Variants in LAMA5 observed in about 807,000 individuals in gnomAD.
LAMA5 encodes the protein laminin subunit alpha-5.
Under a neutral mutation model 433.4 loss-of-function variants are expected in LAMA5, and 260 were observed. That is an observed-to-expected ratio of 0.60 (90% CI 0.54 to 0.66). The LOEUF is 0.66. Among genes scored for constraint, LAMA5 ranks in the 30% least tolerant of loss-of-function variants. The pLI, the probability that LAMA5 is intolerant of heterozygous loss-of-function variation, is 0.00. For missense variants in LAMA5, 5,378 were observed against 5,258.5 expected (o/e 1.02, Z -0.70); for synonymous variants, 2,620 against 2,226.6 (o/e 1.18, Z -4.97).
chr20:62,328,086 C>CA (rs1314531403), intron 35 of LAMA5, 76 bp from the exon 36 acceptor site: 5 of 1,582,712 alleles, frequency 3.2e-6, no homozygotes, highest in Non-Finnish European at 4.3e-6. Context: ...AGGCACCCCC[C>CA]ACCCAGGCAG....
At chr20:62,346,356 TG>T in intron 9 of LAMA5, 141 bp from the exon 10 acceptor site, 1 of 1,370,136 alleles carries the variant, frequency 7.3e-7, no homozygotes. Context: ...ACATGAGGGC[TG>T]GGGACCCGCC....
chr20:62,314,679 C>T lies in LAMA5; in HGVS notation c.8243G>A (p.Arg2748His), dbSNP rs749238842. 32 of 1,612,440 alleles carry T rather than the reference C, an allele frequency of 2.0e-5. No individual in the cohort carries two copies. The highest frequency in any genetic ancestry group is 2.4e-5 in the Non-Finnish European group (28 of 1,179,880). Reference sequence around the variant, plus strand: ...AAGGTCGGCAAGATCCCGTGGGGTGCGCAGCTGCACCCCTGAGCGCCCGTT... The same window carrying T: ...AAGGTCGGCAAGATCCCGTGGGGTGTGCAGCTGCACCCCTGAGCGCCCGTT... ...KFNGRSGVQL[R>H]TPRDLADLAA... The change falls in exon 61 of 80, where the codon CGC (arginine) becomes CAC (histidine). Residue 2748 changes from arginine to histidine, a missense_variant. Coordinates refer to ENST00000252999, the MANE Select transcript of LAMA5 (RefSeq NM_005560.6).
In LAMA5 at chr20:62,362,696, C is replaced by A. The variant is rs144914601; in HGVS notation, c.298-144G>T. The A allele has an allele frequency of 8.8e-4, 576 of 655,630 alleles. 1 individual carries two copies. In the African/African-American group the frequency reaches 9.8e-3, roughly 11 times the overall value. The allele number at this position is 655,630 out of a possible 1,614,324, so 40.6% of individuals were successfully genotyped here. A position where few individuals can be genotyped will look rare whatever the true frequency, so the allele number is the denominator to read the frequency against. ...CCTCTGCGCCCCTCATCCACTTGCT[C>A]AGCAAACATGCGCCAAGCACCTGCT... On this transcript the variant is annotated intron_variant, in intron 1 of 79. Coordinates refer to ENST00000252999, the MANE Select transcript of LAMA5 (RefSeq NM_005560.6).
In LAMA5 at chr20:62,332,705, G is replaced by A. The variant is rs138521932; in HGVS notation, c.3295C>T (p.Leu1099Phe). Residue 1099 changes from leucine to phenylalanine, a missense_variant, in exon 27 of 80, where the codon CTT (leucine) becomes TTT (phenylalanine). Physicochemically the swap from Leu to Phe is conservative, Grantham distance 22. Coordinates refer to ENST00000252999, the MANE Select transcript of LAMA5 (RefSeq NM_005560.6). ...TCTGSDVDVQLQVAVPQPGRY... is the reference protein window; with the variant it reads ...TCTGSDVDVQFQVAVPQPGRY... ...CCTGGCTGTGGCACTGCCACTTGAA[G>A]CTGGACGTCCACCTGCAGGGAAGGC... 7,978 of 1,610,712 alleles carry A rather than the reference G, an allele frequency of 5.0e-3. 34 individuals carry two copies. The highest frequency in any genetic ancestry group is 0.011 in the South Asian group (1,006 of 90,878).
In LAMA5 at chr20:62,323,519, G is replaced by A. The variant is rs1246945979; in HGVS notation, c.6001C>T (p.Pro2001Ser). 1.9e-6 allele frequency: 3 copies of A among 1,573,796 alleles called. No individual in the cohort carries two copies. Among genetic ancestry groups the A allele is most frequent in the Non-Finnish European group, 2.6e-6 (3 of 1,162,632 alleles). ...CCGGGGGCACAGATCTCGCAGCGGG[G>A]CCCAGTGGTGTGGCGCAGGCAGCCA... is the stretch of plus-strand genomic sequence containing the variant. Reference protein sequence around the residue: ...CRGCLRHTTGPRCEICAPGFY... With the variant: ...CRGCLRHTTGSRCEICAPGFY... Residue 2001 changes from proline (P) to serine (S), a missense_variant, in exon 45 of 80, where the codon CCC (proline) becomes TCC (serine). Physicochemically the swap from Pro to Ser is moderately conservative, Grantham distance 74 (BLOSUM62 -1). Transcript: ENST00000252999.
Position 62,333,210 on chromosome 20 carries a change from G to A in LAMA5, c.3162C>T (p.Gly1054=). Residue 1054 remains glycine (G), a synonymous_variant, in exon 26 of 80, where the codon GGC becomes GGT. Coordinates refer to ENST00000252999, the MANE Select transcript of LAMA5 (RefSeq NM_005560.6). ...CLLYTHLPLD[G]FPSAAGLEAL... ...CCTCCAGCCCGGCGGCCGAGGGGAAGCCATCCAGGGGGAGGTGTGTGTAGA... is the reference window on the plus strand; with the variant it reads ...CCTCCAGCCCGGCGGCCGAGGGGAAACCATCCAGGGGGAGGTGTGTGTAGA... 1 of 1,522,826 alleles carries A rather than the reference G, an allele frequency of 6.6e-7. No homozygotes were observed. The highest frequency in any genetic ancestry group is 8.8e-7 in the Non-Finnish European group (1 of 1,135,208). 94.3% of individuals were successfully genotyped at this position (1,522,826 alleles called of 1,614,324 possible).
At chr20:62,353,287 G>A (rs992150497) in intron 2 of LAMA5, 36 bp from the exon 3 acceptor site, 10 of 1,445,146 alleles carry the variant, frequency 6.9e-6, no homozygotes, top group Middle Eastern at 3.5e-4. Flanking sequence ...AGCCAGGGGC[G>A]CCTGGATTCC....
At chr20:62,322,486 CAAGA>C in intron 46 of LAMA5, 37 bp from the exon 47 acceptor site, 1 of 1,546,724 alleles carries the variant, frequency 6.5e-7, no homozygotes, top group African/African-American at 1.4e-5. Context: ...GCCCAGCCCT[CAAGA>C]CTGTCCCAGA....
At position 62,310,020 on chromosome 20, in the gene LAMA5, A is replaced by G; in HGVS notation, c.10796T>C (p.Val3599Ala). The change falls in exon 78 of 80, where the codon GTG (valine) becomes GCG (alanine). Residue 3599 changes from valine (V) to alanine (A), a missense_variant. Coordinates refer to ENST00000252999, the MANE Select transcript of LAMA5 (RefSeq NM_005560.6). ...CCGGTGCCACTGGCCATCACACAGCACTGAGGGGCGGGTCACTGACGTGGA... is the reference window on the plus strand; with the variant it reads ...CCGGTGCCACTGGCCATCACACAGCGCTGAGGGGCGGGTCACTGACGTGGA... The part of the protein sequence containing the change: ...EFSTSVTRPS[V>A]LCDGQWHRLA... 6.2e-7 allele frequency: 1 copy of G among 1,611,466 alleles called. No homozygotes were observed.
rs779259058 is a variant in LAMA5 at position 62,322,678 on chromosome 20, G to A, written c.6145C>T (p.Arg2049Trp). 86 of 1,377,656 alleles carry A rather than the reference G, an allele frequency of 6.2e-5. No homozygotes were observed. The highest frequency in any genetic ancestry group is 3.0e-4 in the East Asian group (8 of 26,512). 85.3% of individuals were successfully genotyped at this position (1,377,656 alleles called of 1,614,324 possible). Reference protein sequence around the residue: ...HCLCKAGVTGRRCDRCQEGHF... With the variant: ...HCLCKAGVTGWRCDRCQEGHF... ...CCTACCTGGCAGCGGTCACAGCGCC[G>A]CCCAGTCACGCCCGCCTTGCACAGG... The change falls in exon 46 of 80, where the codon CGG (arginine) becomes TGG (tryptophan). Residue 2049 changes from arginine to tryptophan, a missense_variant. Physicochemically the swap from Arg to Trp is moderately radical, Grantham distance 101. Transcript: ENST00000252999.
chr20:62,327,801 G>T, intron 36 of LAMA5, 65 bp downstream of exon 36: 1 of 1,573,836 alleles, frequency 6.4e-7, no homozygotes, highest in South Asian at 1.2e-5. Context: ...CGAAAGGCCC[G>T]TAAGGACACT....
intron 40 of LAMA5, chr20:62,326,442 C>T: frequency 2.0e-6 from 1 of 508,548 alleles, no homozygotes; most frequent in South Asian, 2.9e-5. Context: ...GCTCACCCCT[C>T]AGGGATCAGG....
At position 62,352,231 on chromosome 20, in the gene LAMA5, C is replaced by T. The variant is rs779374862; in HGVS notation, c.687+11G>A. 6 of 1,595,368 alleles carry T rather than the reference C, an allele frequency of 3.8e-6. No individual in the cohort carries two copies. Among genetic ancestry groups the T allele is most frequent in the South Asian group, 3.3e-5 (3 of 90,858 alleles). The stretch of plus-strand genomic sequence containing the variant: ...CCAGCCCCCGTACCGCCCTGCCCCT[C>T]CCCGGCCCACCTCTCCGTTCTCCAG... On this transcript the variant is annotated intron_variant, in intron 4 of 79. Coordinates refer to ENST00000252999, the MANE Select transcript of LAMA5 (RefSeq NM_005560.6).
Position 62,334,258 on chromosome 20 carries a change from C to T in LAMA5, c.2667G>A (p.Val889=), listed in dbSNP as rs777577062. The change falls in exon 22 of 80, where the codon GTG becomes GTA. Residue 889 remains valine, a synonymous_variant. Transcript: ENST00000252999. ...EEAATPEGHA[V]RFGFNPLEFE... ...ACTCGAGGGGGTTGAAGCCAAAGCG[C>T]ACGGCGTGACCCTCAGGTGTGGCAG... 6.2e-7 allele frequency: 1 copy of T among 1,612,782 alleles called. No individual in the cohort carries two copies. The highest frequency in any genetic ancestry group is 8.5e-7 in the Non-Finnish European group (1 of 1,179,820).
At chr20:62,352,546 C>T (rs918112491) in intron 3 of LAMA5, among the ~76,000 whole-genome samples, 186 bp from the exon 4 acceptor site, 3 of 152,172 alleles carry the variant, frequency 2.0e-5, no homozygotes, top group Non-Finnish European at 4.4e-5. Flanking sequence ...TGCCCCCCAC[C>T]GCTCTCCCTT....
chr20:62,320,568 T>C lies in LAMA5; in HGVS notation c.6750A>G (p.Leu2250=), dbSNP rs758855910. 2 of 1,595,752 alleles carry C rather than the reference T, an allele frequency of 1.3e-6. No homozygotes were observed. The highest frequency in any genetic ancestry group is 1.7e-6 in the Non-Finnish European group (2 of 1,176,756). ...STSLGQDARR[L]GGQAVGTRDQ... ...GTCTTGGGGCTCCTGCCTGGCCGCC[T>C]AGCCGCCGTGCGTCCTGCCCGAGGC... is the stretch of plus-strand genomic sequence containing the variant. The change falls in exon 50 of 80, where the codon CTA becomes CTG. Residue 2250 remains leucine, a synonymous_variant. Transcript: ENST00000252999.
rs777228268 is a variant in LAMA5 at position 62,327,322 on chromosome 20, G to A, written c.5023C>T (p.Arg1675Cys). The A allele has an allele frequency of 2.7e-5, 44 of 1,600,950 alleles. 1 individual carries two copies. Among genetic ancestry groups the A allele is most frequent in the South Asian group, 3.4e-5 (3 of 89,494 alleles). Residue 1675 changes from arginine to cysteine, a missense_variant, in exon 38 of 80, where the codon CGT (arginine) becomes TGT (cysteine). Physicochemically the swap from Arg to Cys is radical, Grantham distance 180 (BLOSUM62 -3). Transcript: ENST00000252999. Reference sequence around the variant, plus strand: ...TCAGGCACGTGCCGCAGGTCTGCACGGAGCATCTCCGTCCCTGGCTGCCGC... The same window carrying A: ...TCAGGCACGTGCCGCAGGTCTGCACAGAGCATCTCCGTCCCTGGCTGCCGC... ...HERQPGTEML[R>C]ADLRHVPEAV...
chr20:62,336,256 C>A, intron 18 of LAMA5, 84 bp downstream of exon 18: 1 of 1,015,176 alleles, frequency 9.9e-7, no homozygotes, highest in Non-Finnish European at 1.5e-6. Context: ...AGGAACCCTG[C>A]ACCCCAACAC....
rs534296811 is a variant in LAMA5 at position 62,324,701 on chromosome 20, G to A, written c.5530-147C>T. ...ATGGTCACCGCTGGGTCAGAGGCTG[G>A]TCAGGAACTCCTGGCCTCGGCCGGC... On this transcript the variant is annotated intron_variant, in intron 41 of 79. Transcript: ENST00000252999. The surrounding 1 kb of genome is among the most constrained non-coding windows in gnomAD (Gnocchi z 4.4). The A allele has an allele frequency of 5.1e-5, 32 of 621,858 alleles. 1 individual carries two copies. In the South Asian group the frequency reaches 6.1e-4, roughly 12 times the overall value. 38.5% of individuals were successfully genotyped at this position (621,858 alleles called of 1,614,324 possible). A position where few individuals can be genotyped will look rare whatever the true frequency, so the allele number is the denominator to read the frequency against.
Sources: allele counts gnomAD v4.1 joint callset (sites outside exome capture counted in the v4.1 genomes callset), GRCh38; gene constraint gnomAD v4.1.1; non-coding constraint Gnocchi (gnomAD v3.1); transcripts MANE v1.5; gene names NCBI Gene and HGNC (gene_info 2026-07-23, HGNC 2026-07-21).